Variants in FBXO34 observed in about 807,000 individuals in gnomAD.
The protein encoded by FBXO34 is F-box only protein 34.
In FBXO34, 12 loss-of-function variants were observed where a neutral mutation model predicts 24.5. That is an observed-to-expected ratio of 0.49 (90% confidence interval 0.31 to 0.79). FBXO34 has a LOEUF of 0.79. Ranked by LOEUF, FBXO34 falls within the 30% of genes least tolerant of loss-of-function variation. The probability of loss-of-function intolerance (pLI) is 0.04; values close to 1 mark genes in which losing one functional copy is unlikely to be tolerated. For missense variants in FBXO34, 823 were observed against 857.7 expected (o/e 0.96, Z 0.51); for synonymous variants, 320 against 311.9 (o/e 1.03, Z -0.27).
At chr14:55,364,138 C>T (rs534702971), downstream of FBXO34, among the ~76,000 whole-genome samples, 2 of 151,448 alleles carry the variant, frequency 1.3e-5, no homozygotes, top group East Asian at 2.0e-4. Context: ...TAGTAGAGAC[C>T]GGGTTTCTCC....
intron 1 of FBXO34, chr14:55,298,995 G>C: frequency 6.2e-7 from 1 of 1,608,756 alleles, no homozygotes; most frequent in Non-Finnish European, 8.5e-7. Flanking sequence ...TAAAGTTGAT[G>C]AGTTAATGCA....
At chr14:55,429,526 G>C in the FBXO34 span, among the ~76,000 whole-genome samples, 1 of 152,210 alleles carries the variant, frequency 6.6e-6, no homozygotes, top group Non-Finnish European at 1.5e-5. Context: ...CACTTTGGGA[G>C]GCTGAGGCAG....
At chr14:55,440,392 T>C in the FBXO34 span, 5 of 1,612,878 alleles carry the variant, frequency 3.1e-6, no homozygotes, top group South Asian at 5.5e-5. Context: ...GGCGGCAGCC[T>C]CACCTGAGCG....
At chr14:55,355,200 T>A (rs78572718), downstream of FBXO34, 1 of 152,244 alleles carries the variant, frequency 6.6e-6, no homozygotes, top group African/African-American at 2.4e-5. Flanking sequence ...AAGGAGTGAA[T>A]TGAAAGCTAA....
chr14:55,395,312 G>A, the FBXO34 span: 1 of 269,070 alleles, frequency 3.7e-6, no homozygotes. Context: ...GGGCTGCCTG[G>A]CTGCTGCCAC....
chr14:55,410,512 A>G, the FBXO34 span, among the ~76,000 whole-genome samples: 1 of 152,166 alleles, frequency 6.6e-6, no homozygotes, highest in African/African-American at 2.4e-5. Context: ...CAACAAAACT[A>G]AAAAAGAGTT....
chr14:55,335,293 A>C (rs1452458864), intron 1 of FBXO34: 1 of 152,262 alleles, frequency 6.6e-6, no homozygotes, highest in Non-Finnish European at 1.5e-5. Context: ...TAGGGGGGTT[A>C]TAAAAATGTC....
chr14:55,340,115 A>G (rs1263763957), intron 1 of FBXO34, among the ~76,000 whole-genome samples: 1 of 152,170 alleles, frequency 6.6e-6, no homozygotes, highest in Non-Finnish European at 1.5e-5. Flanking sequence ...GACTCAAACA[A>G]CTGGGCTTGT....
At chr14:55,341,933 C>G (rs1001737577) in intron 1 of FBXO34, among the ~76,000 whole-genome samples, 7 of 152,152 alleles carry the variant, frequency 4.6e-5, no homozygotes, top group Admixed American at 2.6e-4. Context: ...TTCCTCCAGG[C>G]CCTTCTCTTC....
At chr14:55,375,410 GCTC>G in the FBXO34 span, among the ~76,000 whole-genome samples, 4 of 151,426 alleles carry the variant, frequency 2.6e-5, no homozygotes, top group African/African-American at 9.7e-5. Flanking sequence ...ACAGCCTGGA[GCTC>G]CTCAACTCAG....
At position 55,350,693 on chromosome 14, in the gene FBXO34, A is replaced by AACCTG; in HGVS notation, c.303_304insACCTG (p.Glu102ThrfsTer12). The AACCTG allele has an allele frequency of 6.2e-7, 1 of 1,613,694 alleles. No homozygotes were observed. The highest frequency in any genetic ancestry group is 1.1e-5 in the South Asian group (1 of 90,994). ...CTGCAACGATCCACCAGGGCGAAGA[A>AACCTG]GAAGGACCACTTGATATCTGGGCTG... On this transcript the variant is annotated frameshift_variant, in exon 2 of 2. Transcript: ENST00000313833. LOFTEE classifies it low-confidence loss of function (END_TRUNC).
chr14:55,413,635 C>T, the FBXO34 span: 2 of 415,110 alleles, frequency 4.8e-6, no homozygotes, highest in Non-Finnish European at 9.5e-6. Context: ...CTGGGTGGAG[C>T]AGGCTGGCGC....
chr14:55,320,758 AATATAT>A (rs1414160920), intron 1 of FBXO34, among the ~76,000 whole-genome samples: 1 of 152,184 alleles, frequency 6.6e-6, no homozygotes. Flanking sequence ...CTCCGTCTAA[AATATAT>A]ATATAAAGTT....
chr14:55,315,560 T>C (rs1474960927), intron 1 of FBXO34, among the ~76,000 whole-genome samples: 2 of 152,224 alleles, frequency 1.3e-5, no homozygotes, highest in Admixed American at 6.5e-5. Context: ...AAGTTAAACT[T>C]TGAGATCCTA....
chr14:55,433,852 C>T, the FBXO34 span: 1 of 694,234 alleles, frequency 1.4e-6, no homozygotes, highest in Non-Finnish European at 2.3e-6. Flanking sequence ...TCTTTTCTCC[C>T]TACATTAAGG....
chr14:55,386,061 G>A, the FBXO34 span: 1 of 1,611,542 alleles, frequency 6.2e-7, no homozygotes, highest in Non-Finnish European at 8.5e-7. Context: ...TAAAGCTTCT[G>A]ATTCTTTTCC....
chr14:55,383,697 A>T, the FBXO34 span, among the ~76,000 whole-genome samples: 1 of 152,062 alleles, frequency 6.6e-6, no homozygotes, highest in South Asian at 2.1e-4. Flanking sequence ...TGAGCTCACG[A>T]ATGGTGCTAT....
chr14:55,331,715 A>ATATATATATG lies in FBXO34; in HGVS notation c.-10-18665_-10-18664insATATATATGT, dbSNP rs1555338534. ...TATATATATATATATGTATATATAT[A>ATATATATATG]TGTATATATATATGTATATATATAT... On this transcript the variant is annotated intron_variant, in intron 1 of 1. Transcript: ENST00000313833. Among the ~76,000 whole-genome samples, 2 of 45,708 alleles carry ATATATATATG rather than the reference A, an allele frequency of 4.4e-5. 1 individual carries two copies. Among genetic ancestry groups the ATATATATATG allele is most frequent in the African/African-American group, 3.3e-4 (2 of 6,034 alleles). The allele number at this position is 45,708 out of a possible 152,430, so 30.0% of individuals were successfully genotyped here. A position where few individuals can be genotyped will look rare whatever the true frequency, so the allele number is the denominator to read the frequency against.
At chr14:55,436,074 C>T in the FBXO34 span, 4 of 516,300 alleles carry the variant, frequency 7.7e-6, no homozygotes, top group African/African-American at 2.0e-5. Context: ...AAATACATGA[C>T]ATGATTCCTA....
Sources: allele counts gnomAD v4.1 joint callset (sites outside exome capture counted in the v4.1 genomes callset), GRCh38; gene constraint gnomAD v4.1.1; transcripts MANE v1.5; gene names NCBI Gene and HGNC (gene_info 2026-07-23, HGNC 2026-07-21).